Variants in ERCC6 observed in about 807,000 individuals in gnomAD.
ERCC6 encodes the protein DNA excision repair protein ERCC-6.
In ERCC6, 116 loss-of-function variants were observed where a neutral mutation model predicts 158.7. The ratio of observed to expected loss-of-function variants is 0.73; its 90% CI spans 0.63 to 0.85. ERCC6 has a LOEUF of 0.85. Ranked by LOEUF, ERCC6 falls within the 40% of genes least tolerant of loss-of-function variation. The probability of loss-of-function intolerance (pLI) is 0.00; values close to 1 mark genes in which losing one functional copy is unlikely to be tolerated. For synonymous variants in ERCC6, 678 were observed against 659.3 expected (o/e 1.03, Z -0.43); for missense variants, 1,698 against 1,799.4 (o/e 0.94, Z 1.02).
rs1467393670 is a variant in ERCC6 at position 49,526,115 on chromosome 10, TTTTATATATATATATATA to T, written c.653-1356_653-1339del. 9.0e-3 allele frequency among the ~76,000 whole-genome samples: 953 copies of T among 105,438 alleles called. 58 individuals carry two copies. Among genetic ancestry groups the T allele is most frequent in the African/African-American group, 0.036 (876 of 24,486 alleles). The allele number at this position is 105,438 out of a possible 152,430, so 69.2% of individuals were successfully genotyped here. On this transcript the variant is annotated intron_variant, in intron 4 of 20. Coordinates refer to ENST00000355832, the MANE Select transcript of ERCC6 (RefSeq NM_000124.4). ...TTTATATATTTATATATTTATATATTTTTATATATATATATATATATATATATATATATATATATATAT... is the reference window on the plus strand; with the variant it reads ...TTTATATATTTATATATTTATATATTTATATATATATATATATATATATAT...
chr10:49,476,245 T>G lies in ERCC6; in HGVS notation c.2352A>C (p.Glu784Asp), dbSNP rs767691315. 4.3e-6 allele frequency: 7 copies of G among 1,613,902 alleles called. No individual in the cohort carries two copies. In the Admixed American group the frequency reaches 5.0e-5, roughly 12 times the overall value. Residue 784 changes from glutamate to aspartate, a missense_variant, in exon 12 of 21, where the codon GAA (glutamate) becomes GAC (aspartate). Transcript: ENST00000355832. The stretch of plus-strand genomic sequence containing the variant: ...TCTCTCCATTGAGAATCCTGTAAAC[T>G]TCTTTGGAATCAACGAAATTTTGGT... ...KVYQNFVDSK[E>D]VYRILNGEMQ...
At chr10:49,493,290 G>A (rs760916788) in intron 7 of ERCC6, 38 bp from the exon 8 acceptor site, 1 of 1,613,092 alleles carries the variant, frequency 6.2e-7, no homozygotes, top group Non-Finnish European at 8.5e-7. Context: ...AACCATGAAA[G>A]AGCATATACA....
chr10:49,478,552 C>T (rs1850919904), intron 10 of ERCC6, 82 bp from the exon 11 acceptor site: 1 of 820,284 alleles, frequency 1.2e-6, no homozygotes, highest in East Asian at 2.5e-5. Flanking sequence ...GCTTCCATTC[C>T]TTAAAAAAAA....
chr10:49,475,673 C>G (rs1850864697), intron 12 of ERCC6, among the ~76,000 whole-genome samples: 1 of 152,158 alleles, frequency 6.6e-6, no homozygotes, highest in South Asian at 2.1e-4. Flanking sequence ...TTGAAAGGAA[C>G]AGAATCACCA....
In ERCC6 at chr10:49,522,580, A is replaced by C. The variant is rs372905926; in HGVS notation, c.1397+1453T>G. Among the ~76,000 whole-genome samples, 183 of 152,372 alleles carry C rather than the reference A, an allele frequency of 1.2e-3. 2 individuals carry two copies. Among genetic ancestry groups the C allele is most frequent in the Middle Eastern group, 6.8e-3 (2 of 294 alleles). ...AACTTATTGCCATCAAATTAACTAAACCCACATTTAAAATTCAATCAAAAT... is the reference window on the plus strand; with the variant it reads ...AACTTATTGCCATCAAATTAACTAACCCCACATTTAAAATTCAATCAAAAT... On this transcript the variant is annotated intron_variant, in intron 5 of 20. Transcript: ENST00000355832.
intron 8 of ERCC6, among the ~76,000 whole-genome samples, chr10:49,491,696 G>A (rs1043118794): frequency 6.6e-6 from 1 of 152,360 alleles, no homozygotes; most frequent in Middle Eastern, 3.4e-3. Flanking sequence ...CTGGAGGCAA[G>A]CCATGATCCA....
the ERCC6 span, among the ~76,000 whole-genome samples, chr10:49,441,553 A>T: frequency 2.6e-4 from 40 of 152,286 alleles, no homozygotes; most frequent in African/African-American, 9.1e-4. Flanking sequence ...TTGCCTGTGT[A>T]GACCCAGTTG....
At chr10:49,454,092 A>C (rs985386249), downstream of ERCC6, among the ~76,000 whole-genome samples, 3 of 152,064 alleles carry the variant, frequency 2.0e-5, no homozygotes, top group Admixed American at 2.0e-4. Context: ...TTAATGGTGC[A>C]CATAATGGTG....
chr10:49,518,747 A>T (rs369522698), intron 5 of ERCC6, among the ~76,000 whole-genome samples: 4 of 152,178 alleles, frequency 2.6e-5, no homozygotes, highest in Non-Finnish European at 4.4e-5. Context: ...GCCAGGGTTC[A>T]ATGGGGCCCT....
the ERCC6 span, among the ~76,000 whole-genome samples, chr10:49,442,425 C>T: frequency 6.6e-6 from 1 of 152,192 alleles, no homozygotes. Context: ...AAACACGGTT[C>T]CTCAAACCAA....
intron 8 of ERCC6, among the ~76,000 whole-genome samples, chr10:49,483,907 C>G (rs1851030149): frequency 6.6e-6 from 1 of 151,826 alleles, no homozygotes; most frequent in Non-Finnish European, 1.5e-5. Context: ...ACAAGGCAGA[C>G]AAATCTAGGA....
chr10:49,506,305 T>C (rs1851441966), intron 5 of ERCC6: 2 of 413,386 alleles, frequency 4.8e-6, no homozygotes, highest in East Asian at 9.7e-5. Context: ...TAAGGGAAAA[T>C]TTCTCTGCTG....
At chr10:49,448,695 C>T in the ERCC6 span, among the ~76,000 whole-genome samples, 1 of 152,154 alleles carries the variant, frequency 6.6e-6, no homozygotes, top group South Asian at 2.1e-4. Flanking sequence ...TATAGATTTC[C>T]CTATTCTGGA....
At chr10:49,523,938 A>T in intron 5 of ERCC6, 95 bp downstream of exon 5, 2 of 1,557,022 alleles carry the variant, frequency 1.3e-6, no homozygotes, top group Non-Finnish European at 1.7e-6. Flanking sequence ...GGGGTCTAAT[A>T]TATTAAGCTG....
intron 8 of ERCC6, among the ~76,000 whole-genome samples, chr10:49,490,055 T>A (rs1851145876): frequency 6.6e-6 from 1 of 152,194 alleles, no homozygotes. Flanking sequence ...AAAAAGGAAA[T>A]CTTGAACTTT....
At chr10:49,525,688 G>A (rs1016750035) in intron 4 of ERCC6, among the ~76,000 whole-genome samples, 1 of 152,086 alleles carries the variant, frequency 6.6e-6, no homozygotes, top group Non-Finnish European at 1.5e-5. Context: ...ACATACATCT[G>A]AAAGTGCACA....
chr10:49,467,522 G>C (rs117525685), intron 18 of ERCC6, among the ~76,000 whole-genome samples: 2,625 of 152,094 alleles, frequency 0.017, 29 homozygotes, highest in Non-Finnish European at 0.025. Flanking sequence ...ATCTTTCTTG[G>C]TGAAGTCTGT....
At chr10:49,447,167 A>C in the ERCC6 span, among the ~76,000 whole-genome samples, 1 of 152,236 alleles carries the variant, frequency 6.6e-6, no homozygotes, top group African/African-American at 2.4e-5. Flanking sequence ...CACCAATGAC[A>C]AACAGATGAT....
At chr10:49,475,004 A>T (rs933431895) in intron 12 of ERCC6, among the ~76,000 whole-genome samples, 1 of 152,174 alleles carries the variant, frequency 6.6e-6, no homozygotes, top group Non-Finnish European at 1.5e-5. Context: ...TATCACTAGT[A>T]AACAACAGTA....
Sources: gnomAD v4.1 joint callset for allele counts (sites outside exome capture counted in the v4.1 genomes callset) on GRCh38, gnomAD v4.1.1 for gene constraint, MANE v1.5 for transcripts, NCBI Gene and HGNC (gene_info 2026-07-23, HGNC 2026-07-21) for gene names.